The following PGAP4 variants were observed in gnomAD, a reference collection of about 807,000 sequenced individuals.
The protein encoded by PGAP4 is GPI-N-acetylgalactosamine transferase PGAP4.
Under a neutral mutation model 28.2 loss-of-function variants are expected in PGAP4, and 12 were observed. The ratio of observed to expected loss-of-function variants is 0.42; its 90% CI spans 0.27 to 0.69. The LOEUF (loss-of-function observed/expected upper bound fraction) is 0.69. Among genes scored for constraint, PGAP4 ranks in the 30% least tolerant of loss-of-function variants. The pLI, the probability that PGAP4 is intolerant of heterozygous loss-of-function variation, is 0.22. For missense variants in PGAP4, 425 were observed against 513.5 expected (o/e 0.83, Z 1.67); for synonymous variants, 205 against 211.8 (o/e 0.97, Z 0.28).
intron 1 of PGAP4, among the ~76,000 whole-genome samples, chr9:101,484,991 T>C (rs1393916394): frequency 6.6e-6 from 1 of 152,214 alleles, no homozygotes; most frequent in East Asian, 1.9e-4. Flanking sequence ...TAATTAAGCA[T>C]TTGATTCAAC....
intron 1 of PGAP4, among the ~76,000 whole-genome samples, chr9:101,532,330 T>C (rs1827105160): frequency 6.6e-6 from 1 of 151,462 alleles, no homozygotes; most frequent in African/African-American, 2.4e-5. Context: ...AATGTGACCA[T>C]GCAAAAATAT....
rs893782874 is a variant in PGAP4 at position 101,486,804 on chromosome 9, C to T, written c.-78+145G>A. ...GAGGCGCACTGCCCGGGGCACAGGCCCTCTGCGATGACTCTCCCCAACCCC... is the reference window on the plus strand; with the variant it reads ...GAGGCGCACTGCCCGGGGCACAGGCTCTCTGCGATGACTCTCCCCAACCCC... On this transcript the variant is annotated intron_variant, in intron 1 of 1. Transcript: ENST00000374848. This position sits in a 1 kb window ranked among gnomAD's most constrained non-coding sequence, Gnocchi z 4.7. The T allele has an allele frequency of 1.3e-5, 2 of 152,622 alleles. No individual in the cohort carries two copies. Among genetic ancestry groups the T allele is most frequent in the African/African-American group, 4.8e-5 (2 of 41,476 alleles). 9.5% of individuals were successfully genotyped at this position (152,622 alleles called of 1,614,324 possible).
At chr9:101,509,976 G>A (rs970257160) in intron 2 of PGAP4, among the ~76,000 whole-genome samples, 1 of 152,054 alleles carries the variant, frequency 6.6e-6, no homozygotes, top group Non-Finnish European at 1.5e-5. Context: ...GGTTGGCAAC[G>A]AAAAGTGCAC....
intron 1 of PGAP4, among the ~76,000 whole-genome samples, chr9:101,483,715 T>C (rs1281242049): frequency 1.3e-5 from 2 of 152,092 alleles, no homozygotes; most frequent in Non-Finnish European, 2.9e-5. Context: ...TGCTTTCATG[T>C]ACATGATCAC....
chr9:101,496,209 T>A (rs145038606), intron 2 of PGAP4, among the ~76,000 whole-genome samples: 54 of 151,494 alleles, frequency 3.6e-4, no homozygotes, highest in African/African-American at 1.3e-3. Flanking sequence ...AAAGCAGGGT[T>A]AAAACCAGAG....
At chr9:101,495,712 A>T (rs1435049617) in intron 2 of PGAP4, among the ~76,000 whole-genome samples, 1 of 150,694 alleles carries the variant, frequency 6.6e-6, no homozygotes, top group Non-Finnish European at 1.5e-5. Flanking sequence ...TATTTTTTTT[A>T]CATCCATGTA....
rs200409438 is a variant in PGAP4, at chr9:101,476,408, G to A, written c.685C>T (p.Arg229Trp). ...AGATGTGGCTCAGAGAAGCGAGCCC[G>A]CAGAAGGTGCTCCAAGACTGGGAAG... ...QIFPVLEHLLRARFSEPHLRD... is the reference protein window; with the variant it reads ...QIFPVLEHLLWARFSEPHLRD... The change falls in exon 2 of 2, where the codon CGG becomes TGG. Residue 229 changes from arginine (R) to tryptophan (W), a missense_variant. By Grantham distance (101) the Arg-to-Trp change is moderately radical. Coordinates refer to ENST00000374848, the MANE Select transcript of PGAP4 (RefSeq NM_032342.3). The surrounding 1 kb of genome is among the most constrained non-coding windows in gnomAD (Gnocchi z 7.0). 1.9e-5 allele frequency: 31 copies of A among 1,614,128 alleles called. No homozygotes were observed. Among genetic ancestry groups the A allele is most frequent in the East Asian group, 4.5e-5 (2 of 44,854 alleles).
In PGAP4 at chr9:101,476,483, G is replaced by C. The variant is rs1183091731; in HGVS notation, c.610C>G (p.Pro204Ala). 3.7e-6 allele frequency: 6 copies of C among 1,614,016 alleles called. No homozygotes were observed. Among genetic ancestry groups the C allele is most frequent in the East Asian group, 4.5e-5 (2 of 44,882 alleles). The change falls in exon 2 of 2, where the codon CCA (proline) becomes GCA (alanine). Residue 204 changes from proline to alanine, a missense_variant. Physicochemically the swap from Pro to Ala is conservative, Grantham distance 27 (BLOSUM62 -1). Transcript: ENST00000374848. The surrounding 1 kb of genome is among the most constrained non-coding windows in gnomAD (Gnocchi z 7.0). ...TCTTCTACCATCAGGACGTAGTCTG[G>C]GTTGTAGGTCTGCAGGGATGACTCC... Reference protein sequence around the residue: ...CLESSLQTYNPDYVLMVEDDA... With the variant: ...CLESSLQTYNADYVLMVEDDA...
intron 2 of PGAP4, among the ~76,000 whole-genome samples, chr9:101,514,216 G>A (rs1436150125): frequency 1.3e-5 from 2 of 152,122 alleles, no homozygotes; most frequent in East Asian, 3.8e-4. Context: ...CATCACATTA[G>A]TTAACTTCCA....
At chr9:101,477,335 A>G (rs968273400) in intron 1 of PGAP4, among the ~76,000 whole-genome samples, 166 bp from the exon 2 acceptor site, 1 of 148,064 alleles carries the variant, frequency 6.8e-6, no homozygotes, top group African/African-American at 2.5e-5. Flanking sequence ...TCTACAGTAA[A>G]CCATTCTTTG....
chr9:101,477,049 A>T lies in PGAP4; in HGVS notation c.44T>A (p.Leu15Gln). 6.2e-7 allele frequency: 1 copy of T among 1,609,106 alleles called. No individual in the cohort carries two copies. The highest frequency in any genetic ancestry group is 8.5e-7 in the Non-Finnish European group (1 of 1,178,078). ...TSPAAMLLRR[L>Q]RRLSWGSTAV... ...AGTGCTGCCCCAGGAGAGTCGCCGCAGCCTCCGGAGGAGCATGGCAGCTGG... is the reference window on the plus strand; with the variant it reads ...AGTGCTGCCCCAGGAGAGTCGCCGCTGCCTCCGGAGGAGCATGGCAGCTGG... Residue 15 changes from leucine to glutamine, a missense_variant, in exon 2 of 2, where the codon CTG becomes CAG. Leu to Gln is a moderately radical substitution (Grantham distance 113, BLOSUM62 -2). Transcript: ENST00000374848.
intron 2 of PGAP4, among the ~76,000 whole-genome samples, chr9:101,520,882 G>A (rs1299799549): frequency 6.6e-6 from 1 of 151,130 alleles, no homozygotes; most frequent in Non-Finnish European, 1.5e-5. Context: ...ATTACATTAA[G>A]GTATGTCCCT....
intron 2 of PGAP4, among the ~76,000 whole-genome samples, chr9:101,516,459 A>G (rs1317364698): frequency 6.6e-6 from 1 of 152,324 alleles, no homozygotes; most frequent in Admixed American, 6.5e-5. Context: ...TTTGTTTTCC[A>G]TGTGGTAACT....
chr9:101,503,485 A>T (rs1389300565), intron 2 of PGAP4, among the ~76,000 whole-genome samples: 3 of 152,080 alleles, frequency 2.0e-5, no homozygotes, highest in Non-Finnish European at 4.4e-5. Context: ...TATAATTTTC[A>T]TGTTGGGTGG....
rs1165629305 is a variant in PGAP4 at position 101,477,154 on chromosome 9, T to A, written c.-62A>T. On this transcript the variant is annotated 5_prime_UTR_variant, in exon 2 of 2. Coordinates refer to ENST00000374848, the MANE Select transcript of PGAP4 (RefSeq NM_032342.3). ...AACCATCCTGGAACTCAGGCCAGAG[T>A]CATCAGAAATCAAACCTAAAGAGAG... The A allele has an allele frequency of 1.3e-6, 2 of 1,488,286 alleles. No individual in the cohort carries two copies. Among genetic ancestry groups the A allele is most frequent in the Non-Finnish European group, 1.8e-6 (2 of 1,121,190 alleles). The allele number at this position is 1,488,286 out of a possible 1,614,324, so 92.2% of individuals were successfully genotyped here. A position where few individuals can be genotyped will look rare whatever the true frequency, so the allele number is the denominator to read the frequency against.
At chr9:101,491,680 A>G (rs981206743), upstream of PGAP4, among the ~76,000 whole-genome samples, 5 of 150,916 alleles carry the variant, frequency 3.3e-5, no homozygotes, top group African/African-American at 4.9e-5. Flanking sequence ...GGGCTTCTCT[A>G]GGTATTTTTA....
intron 2 of PGAP4, among the ~76,000 whole-genome samples, chr9:101,510,268 T>C (rs930020891): frequency 5.3e-5 from 8 of 152,148 alleles, no homozygotes; most frequent in Admixed American, 3.9e-4. Context: ...TCTTCACCAA[T>C]AGTAAAGGGC....
intron 1 of PGAP4, among the ~76,000 whole-genome samples, chr9:101,485,709 T>C (rs372137735): frequency 3.9e-5 from 6 of 152,202 alleles, no homozygotes; most frequent in African/African-American, 1.2e-4. Context: ...TGTGTATACA[T>C]AGAGAAAATT....
At chr9:101,506,236 A>AG (rs1335046395) in intron 2 of PGAP4, among the ~76,000 whole-genome samples, 1 of 152,128 alleles carries the variant, frequency 6.6e-6, no homozygotes, top group Admixed American at 6.6e-5. Context: ...AATAGTCAGG[A>AG]GGATACAAAG....
Sources: allele counts gnomAD v4.1 joint callset (sites outside exome capture counted in the v4.1 genomes callset), GRCh38; gene constraint gnomAD v4.1.1; non-coding constraint Gnocchi (gnomAD v3.1); transcripts MANE v1.5; gene names NCBI Gene and HGNC (gene_info 2026-07-23, HGNC 2026-07-21).